FAM124A: variants seen among roughly 807,000 people sequenced by gnomAD.
FAM124A encodes protein FAM124A.
Under a neutral mutation model 24.5 loss-of-function variants are expected in FAM124A, and 23 were observed. The observed-to-expected ratio is 0.94, with a 90% CI of 0.68 to 1.33. The LOEUF is 1.33. Among genes scored for constraint, FAM124A ranks in the 40% most tolerant of loss-of-function variants. The pLI is 0.00. For missense variants in FAM124A, 623 were observed against 722.8 expected (o/e 0.86, Z 1.58); for synonymous variants, 287 against 314.7 (o/e 0.91, Z 0.93).
At chr13:51,262,570 T>C (rs1013926465) in intron 3 of FAM124A, among the ~76,000 whole-genome samples, 7 of 152,216 alleles carry the variant, frequency 4.6e-5, no homozygotes, top group African/African-American at 1.7e-4. Context: ...ATTTGCTAAA[T>C]GGGTTTCAGG....
rs967446559 is a variant in FAM124A, at chr13:51,251,403, T to C, written c.101-65T>C. 7.5e-6 allele frequency: 11 copies of C among 1,471,014 alleles called. No homozygotes were observed. The African/African-American group carries it at 1.5e-4, about 21-fold the overall frequency. The allele number at this position is 1,471,014 out of a possible 1,614,324, so 91.1% of individuals were successfully genotyped here. On this transcript the variant is annotated intron_variant, in intron 2 of 3. Coordinates refer to ENST00000322475, the MANE Select transcript of FAM124A (RefSeq NM_001242312.2). The surrounding 1 kb of genome is among the most constrained non-coding windows in gnomAD (Gnocchi z 5.3). ...CTGTCAAGCCTGTACACGTCATCACTGGACACTTTAATGAAATAATCATAA... is the reference window on the plus strand; with the variant it reads ...CTGTCAAGCCTGTACACGTCATCACCGGACACTTTAATGAAATAATCATAA...
rs56069123 is a variant in FAM124A, at chr13:51,258,194, A to G, written c.834+5993A>G. On this transcript the variant is annotated intron_variant, in intron 3 of 3. Coordinates refer to ENST00000322475, the MANE Select transcript of FAM124A (RefSeq NM_001242312.2). This position sits in a 1 kb window ranked among gnomAD's most constrained non-coding sequence, Gnocchi z 4.2. The stretch of plus-strand genomic sequence containing the variant: ...TATGTAAGGACACCAGTTCTATTGT[A>G]TTAGGGGCTCACCTTTCTCCAGCAT... 0.016 allele frequency among the ~76,000 whole-genome samples: 2,490 copies of G among 152,244 alleles called. 37 individuals are homozygous for G. Among genetic ancestry groups the G allele is most frequent in the Non-Finnish European group, 0.025 (1,708 of 68,010 alleles).
intron 2 of FAM124A, among the ~76,000 whole-genome samples, chr13:51,244,389 G>A (rs553713448): frequency 1.3e-5 from 2 of 152,302 alleles, no homozygotes; most frequent in South Asian, 2.1e-4. Flanking sequence ...TCTAGTGCCT[G>A]GCACATGGTG....
chr13:51,255,647 G>A (rs1218387442), intron 3 of FAM124A, among the ~76,000 whole-genome samples: 3 of 152,332 alleles, frequency 2.0e-5, no homozygotes, highest in South Asian at 2.1e-4. Context: ...CACATGCTCA[G>A]TGGTGTCAAC....
rs200227873 is a variant in FAM124A at position 51,246,399 on chromosome 13, TGG to T, written c.101-5066_101-5065del. ...CAGCTCCACAGAGGCATGTTTCTCG[TGG>T]GGTGGGGGGGGGTGTAACTCTAACA... On this transcript the variant is annotated intron_variant, in intron 2 of 3. Coordinates refer to ENST00000322475, the MANE Select transcript of FAM124A (RefSeq NM_001242312.2). 4.4e-5 allele frequency among the ~76,000 whole-genome samples: 4 copies of T among 91,954 alleles called. 1 individual carries two copies. The highest frequency in any genetic ancestry group is 6.3e-5 in the African/African-American group (2 of 32,000). The allele number at this position is 91,954 out of a possible 152,430, so 60.3% of individuals were successfully genotyped here.
At chr13:51,252,594 C>T in intron 3 of FAM124A, 1 of 213,382 alleles carries the variant, frequency 4.7e-6, no homozygotes, top group Non-Finnish European at 9.4e-6. Flanking sequence ...TGGATTCTTC[C>T]CTCCCACAAA....
At position 51,281,133 on chromosome 13, in the gene FAM124A, C is replaced by T. The variant is rs369530645; in HGVS notation, c.1518C>T (p.Leu506=). 65 of 1,614,012 alleles carry T rather than the reference C, an allele frequency of 4.0e-5. No homozygotes were observed. The highest frequency in any genetic ancestry group is 5.1e-5 in the Non-Finnish European group (60 of 1,180,024). ...CCCCAGCTCCCAGCACCTCCACCCT[C>T]ACAGACTCCTCCCCACAGCTCCCAT... ...AAPPAPSTST[L]TDSSPQLPCD... The change falls in exon 4 of 4, where the codon CTC becomes CTT. Residue 506 remains leucine, a synonymous_variant. Coordinates refer to ENST00000322475, the MANE Select transcript of FAM124A (RefSeq NM_001242312.2).
intron 3 of FAM124A, among the ~76,000 whole-genome samples, chr13:51,269,957 C>G (rs1014744763): frequency 1.3e-5 from 2 of 152,176 alleles, no homozygotes; most frequent in African/African-American, 4.8e-5. Context: ...CAGCCAGAAT[C>G]CCAGGACTCA....
intron 3 of FAM124A, among the ~76,000 whole-genome samples, chr13:51,257,817 C>T (rs1954690795): frequency 6.6e-6 from 1 of 152,216 alleles, no homozygotes; most frequent in African/African-American, 2.4e-5. Context: ...CTGCCTTCCC[C>T]ACCTAGAGTA....
chr13:51,271,352 A>G (rs202137396), intron 3 of FAM124A, among the ~76,000 whole-genome samples: 4 of 152,132 alleles, frequency 2.6e-5, no homozygotes, highest in African/African-American at 9.7e-5. Flanking sequence ...ACATAGAGTA[A>G]AAAAAGGCAT....
At chr13:51,265,524 C>T (rs1217189084) in intron 3 of FAM124A, among the ~76,000 whole-genome samples, 1 of 152,158 alleles carries the variant, frequency 6.6e-6, no homozygotes, top group Non-Finnish European at 1.5e-5. Flanking sequence ...AGGGAAGGGA[C>T]TTCTGGGTGG....
In FAM124A at chr13:51,231,271, A is replaced by C. The variant is rs1480852592; in HGVS notation, c.69-77A>C. 2.0e-6 allele frequency: 3 copies of C among 1,527,244 alleles called. No individual in the cohort carries two copies. In the East Asian group the frequency reaches 6.8e-5, roughly 34 times the overall value. The allele number at this position is 1,527,244 out of a possible 1,614,324, so 94.6% of individuals were successfully genotyped here. A position where few individuals can be genotyped will look rare whatever the true frequency, so the allele number is the denominator to read the frequency against. On this transcript the variant is annotated intron_variant, in intron 1 of 3. Coordinates refer to ENST00000322475, the MANE Select transcript of FAM124A (RefSeq NM_001242312.2). The stretch of plus-strand genomic sequence containing the variant: ...CTTTACCAGCTAAATGCTACTTACC[A>C]CTGACTGTTTAAAATTCTGGCTTGA...
chr13:51,223,624 G>A (rs1175924626), intron 1 of FAM124A, among the ~76,000 whole-genome samples: 2 of 152,076 alleles, frequency 1.3e-5, no homozygotes, highest in Non-Finnish European at 1.5e-5. Flanking sequence ...TCCCCACAGG[G>A]CCCCTCCTGC....
rs77825515 is a variant in FAM124A at position 51,225,131 on chromosome 13, T to C, written c.68+2562T>C. ...TTTTTTTTTTATCAGATTCTCAAAG[T>C]AGCTGGTGATCTATTCCAAACCAAG... is the stretch of plus-strand genomic sequence containing the variant. On this transcript the variant is annotated intron_variant, in intron 1 of 3. Transcript: ENST00000322475. 700 of 152,252 alleles carry C rather than the reference T, an allele frequency of 4.6e-3. 7 individuals carry two copies. The highest frequency in any genetic ancestry group is 0.015 in the African/African-American group (640 of 41,544). The allele number at this position is 152,252 out of a possible 1,614,324, so 9.4% of individuals were successfully genotyped here. A position where few individuals can be genotyped will look rare whatever the true frequency, so the allele number is the denominator to read the frequency against.
At chr13:51,248,023 G>A (rs1278846942) in intron 2 of FAM124A, among the ~76,000 whole-genome samples, 2 of 152,140 alleles carry the variant, frequency 1.3e-5, no homozygotes, top group South Asian at 2.1e-4. Flanking sequence ...AGGTCTATAT[G>A]GGGGCACACG....
In FAM124A at chr13:51,251,358, T is replaced by C. The variant is rs952621628; in HGVS notation, c.101-110T>C. 14 of 1,327,818 alleles carry C rather than the reference T, an allele frequency of 1.1e-5. No individual in the cohort carries two copies. In the South Asian group the frequency reaches 3.5e-4, roughly 33 times the overall value. The allele number at this position is 1,327,818 out of a possible 1,614,324, so 82.3% of individuals were successfully genotyped here. A position where few individuals can be genotyped will look rare whatever the true frequency, so the allele number is the denominator to read the frequency against. ...ATCACAGGTCATGGAGTCAGTTCAG[T>C]TAGAATTTGACTTCTCTTCCTGTCA... On this transcript the variant is annotated intron_variant, in intron 2 of 3. Coordinates refer to ENST00000322475, the MANE Select transcript of FAM124A (RefSeq NM_001242312.2). This position sits in a 1 kb window ranked among gnomAD's most constrained non-coding sequence, Gnocchi z 5.3.
chr13:51,280,367 T>G, intron 3 of FAM124A, 83 bp from the exon 4 acceptor site: 2 of 1,236,262 alleles, frequency 1.6e-6, no homozygotes, highest in Non-Finnish European at 2.2e-6. Context: ...TTGCCAGGAG[T>G]TTCCAATGAT....
At chr13:51,266,111 T>C (rs905531920) in intron 3 of FAM124A, among the ~76,000 whole-genome samples, 24 of 152,210 alleles carry the variant, frequency 1.6e-4, no homozygotes, top group Non-Finnish European at 4.4e-5. Flanking sequence ...TGTTTGAAAG[T>C]TTTATAATAA....
intron 3 of FAM124A, among the ~76,000 whole-genome samples, chr13:51,270,221 T>C (rs1249582975): frequency 1.3e-5 from 2 of 152,176 alleles, no homozygotes; most frequent in Non-Finnish European, 2.9e-5. Flanking sequence ...TTCAGGCAAA[T>C]AGCCCACTGA....
Sources: allele counts gnomAD v4.1 joint callset (sites outside exome capture counted in the v4.1 genomes callset), GRCh38; gene constraint gnomAD v4.1.1; non-coding constraint Gnocchi (gnomAD v3.1); transcripts MANE v1.5; gene names NCBI Gene and HGNC (gene_info 2026-07-23, HGNC 2026-07-21).